GNAQ: variants seen among roughly 807,000 people sequenced by gnomAD.
GNAQ encodes guanine nucleotide-binding protein G(q) subunit alpha.
GNAQ carries 8 observed loss-of-function variants against 43.9 expected under a neutral mutation model. The observed-to-expected ratio is 0.18, with a 90% CI of 0.11 to 0.33. GNAQ has a LOEUF of 0.33. GNAQ is among the 10% of genes least tolerant of loss of function. The pLI is 1.00. For missense variants in GNAQ, 158 were observed against 450.8 expected (o/e 0.35, Z 5.88); for synonymous variants, 155 against 170.7 (o/e 0.91, Z 0.71).
At chr9:77,965,838 C>CAA (rs34650547) in intron 1 of GNAQ, among the ~76,000 whole-genome samples, 1 of 129,982 alleles carries the variant, frequency 7.7e-6, no homozygotes, top group Admixed American at 7.7e-5. Context: ...TTACTCCGAG[C>CAA]AAAAAAAAAA....
chr9:78,012,238 CTTTT>C (rs1166567926), intron 1 of GNAQ, among the ~76,000 whole-genome samples: 1 of 135,148 alleles, frequency 7.4e-6, no homozygotes, highest in Non-Finnish European at 1.6e-5. Flanking sequence ...AAGGCATTTT[CTTTT>C]TTTTTTTTTT....
chr9:77,822,667 A>G (rs149606762), intron 2 of GNAQ, among the ~76,000 whole-genome samples: 2 of 151,572 alleles, frequency 1.3e-5, no homozygotes, highest in Non-Finnish European at 2.9e-5. Context: ...AGAATTTCAG[A>G]GTCTTACATA....
At chr9:77,967,411 G>A (rs755024202) in intron 1 of GNAQ, among the ~76,000 whole-genome samples, 4 of 152,024 alleles carry the variant, frequency 2.6e-5, no homozygotes, top group Admixed American at 6.6e-5. Context: ...GGTAGATTTC[G>A]GGTCCAGCTT....
intron 6 of GNAQ, 58 bp downstream of exon 6, chr9:77,728,456 G>A: frequency 1.6e-6 from 2 of 1,222,480 alleles, no homozygotes; most frequent in Non-Finnish European, 2.4e-6. Flanking sequence ...TCCCACACTG[G>A]GGTTTGGAGA....
chr9:77,987,215 A>T (rs1014947685), intron 1 of GNAQ, among the ~76,000 whole-genome samples: 7 of 152,158 alleles, frequency 4.6e-5, no homozygotes, highest in African/African-American at 1.7e-4. Context: ...TGCAAGCAGC[A>T]CCATGCAGAC....
intron 2 of GNAQ, among the ~76,000 whole-genome samples, chr9:77,820,068 C>A (rs1827087628): frequency 7.5e-6 from 1 of 133,090 alleles, no homozygotes; most frequent in African/African-American, 2.8e-5. Context: ...ACACTTAAGG[C>A]TACTAGTTAT....
At chr9:77,953,237 A>C (rs1823003299) in intron 1 of GNAQ, among the ~76,000 whole-genome samples, 2 of 152,210 alleles carry the variant, frequency 1.3e-5, no homozygotes, top group South Asian at 4.1e-4. Flanking sequence ...CCATCCCAGG[A>C]AATGTAGGAC....
At chr9:77,967,977 T>A (rs1025814661) in intron 1 of GNAQ, among the ~76,000 whole-genome samples, 1 of 151,928 alleles carries the variant, frequency 6.6e-6, no homozygotes, top group East Asian at 1.9e-4. Flanking sequence ...TGAAACTCCA[T>A]CTAAAAAAAA....
At chr9:77,936,649 A>C (rs1416849156) in intron 1 of GNAQ, among the ~76,000 whole-genome samples, 3 of 152,246 alleles carry the variant, frequency 2.0e-5, no homozygotes, top group Non-Finnish European at 2.9e-5. Flanking sequence ...AAAATATTGA[A>C]TCACTAGGCA....
intron 5 of GNAQ, among the ~76,000 whole-genome samples, chr9:77,771,330 C>T (rs1587909113): frequency 6.6e-6 from 1 of 152,172 alleles, no homozygotes; most frequent in Admixed American, 6.5e-5. Context: ...GCACATCAGC[C>T]TGGTACCACT....
intron 2 of GNAQ, among the ~76,000 whole-genome samples, chr9:77,824,899 A>G (rs1413428831): frequency 6.6e-6 from 1 of 152,230 alleles, no homozygotes; most frequent in African/African-American, 2.4e-5. Flanking sequence ...AAAATGAGCT[A>G]AATTAACTCG....
chr9:77,838,825 G>T (rs868242622), intron 2 of GNAQ, among the ~76,000 whole-genome samples: 1 of 152,016 alleles, frequency 6.6e-6, no homozygotes, highest in Admixed American at 6.6e-5. Flanking sequence ...ACATTAAAAA[G>T]AGAACCCTAA....
intron 5 of GNAQ, among the ~76,000 whole-genome samples, chr9:77,734,954 TCTG>T (rs1407556496): frequency 6.6e-6 from 1 of 152,168 alleles, no homozygotes; most frequent in Non-Finnish European, 1.5e-5. Flanking sequence ...TAAGACAACA[TCTG>T]CTGGGTACAC....
chr9:77,729,289 T>C (rs1825448385), intron 5 of GNAQ, among the ~76,000 whole-genome samples: 1 of 152,188 alleles, frequency 6.6e-6, no homozygotes, highest in Admixed American at 6.5e-5. Flanking sequence ...ACTATTAATA[T>C]AGAATTGTGA....
intron 1 of GNAQ, among the ~76,000 whole-genome samples, chr9:77,941,359 C>T (rs1829312729): frequency 6.6e-6 from 1 of 152,062 alleles, no homozygotes; most frequent in South Asian, 2.1e-4. Flanking sequence ...ACGCCATTCT[C>T]CTGCCTCAGC....
chr9:77,925,680 CG>C (rs1278291683), intron 1 of GNAQ, among the ~76,000 whole-genome samples: 2 of 152,040 alleles, frequency 1.3e-5, no homozygotes, highest in Non-Finnish European at 2.9e-5. Context: ...CAAAGTTTCA[CG>C]TAAGAAAAAT....
At chr9:77,895,977 T>G (rs901518875) in intron 2 of GNAQ, among the ~76,000 whole-genome samples, 1 of 152,180 alleles carries the variant, frequency 6.6e-6, no homozygotes, top group Non-Finnish European at 1.5e-5. Context: ...CTTTCTTTTG[T>G]AAATTGCCCA....
intron 2 of GNAQ, among the ~76,000 whole-genome samples, chr9:77,915,747 CCTTTA>C (rs2118242232): frequency 6.6e-6 from 1 of 152,246 alleles, no homozygotes; most frequent in East Asian, 1.9e-4. Context: ...GTCACTAACC[CCTTTA>C]CTTCTTTCCA....
At chr9:77,726,418 G>A (rs1186724677) in intron 6 of GNAQ, among the ~76,000 whole-genome samples, 2 of 152,134 alleles carry the variant, frequency 1.3e-5, no homozygotes, top group African/African-American at 4.8e-5. Flanking sequence ...TATTTGAGAA[G>A]GGAACTTCAA....
Sources: gnomAD v4.1 joint callset for allele counts (sites outside exome capture counted in the v4.1 genomes callset) on GRCh38, gnomAD v4.1.1 for gene constraint, MANE v1.5 for transcripts, NCBI Gene and HGNC (gene_info 2026-07-23, HGNC 2026-07-21) for gene names.